Variants in CCDC102B observed in about 807,000 individuals in gnomAD.
The protein encoded by CCDC102B is coiled-coil domain-containing protein 102B.
Under a neutral mutation model 57.4 loss-of-function variants are expected in CCDC102B, and 75 were observed. The observed-to-expected ratio is 1.31, with a 90% CI of 1.08 to 1.58. The LOEUF (loss-of-function observed/expected upper bound fraction) is 1.58, where lower values mean the gene tolerates loss of function less well. Ranked by LOEUF, CCDC102B falls within the 40% of genes most tolerant of loss-of-function variation. The pLI, the probability that CCDC102B is intolerant of heterozygous loss-of-function variation, is 0.00. For missense variants in CCDC102B, 636 were observed against 582.6 expected, an observed-to-expected ratio of 1.09 and a Z score of -0.94; for synonymous variants, 206 against 201.9, an observed-to-expected ratio of 1.02 and a Z score of -0.17.
At chr18:69,018,623 G>A (rs1041902794) in intron 7 of CCDC102B, among the ~76,000 whole-genome samples, 1 of 151,602 alleles carries the variant, frequency 6.6e-6, no homozygotes, top group African/African-American at 2.4e-5. Context: ...GTTATTTTTG[G>A]GTATTTTTGC....
intron 6 of CCDC102B, among the ~76,000 whole-genome samples, chr18:68,927,691 G>C (rs1300710086): frequency 1.3e-5 from 2 of 151,938 alleles, no homozygotes. Context: ...CACTTCTGGG[G>C]ATATAATACT....
intron 7 of CCDC102B, among the ~76,000 whole-genome samples, chr18:69,020,762 G>A (rs2051810080): frequency 6.6e-6 from 1 of 152,148 alleles, no homozygotes; most frequent in South Asian, 2.1e-4. Context: ...GCATATATTT[G>A]TGGCAAGAGA....
chr18:68,748,360 A>G (rs1019125337), intron 2 of CCDC102B, among the ~76,000 whole-genome samples: 20 of 151,976 alleles, frequency 1.3e-4, no homozygotes, highest in African/African-American at 4.6e-4. Flanking sequence ...TTCTCATTGT[A>G]TGCATCCTGA....
Position 69,011,065 on chromosome 18 carries a change from G to T in CCDC102B, c.1395G>T (p.Val465=), listed in dbSNP as rs1480609412. The change falls in exon 7 of 8, where the codon GTG becomes GTT. Residue 465 remains valine (V), a synonymous_variant. Transcript: ENST00000360242. ...EAEVKKLRLR[V]EELKQGLNQK... ...AAGTAAAGAAACTAAGATTACGAGT[G>T]GAAGAACTAAAGCAGGGACTCAATC... 9 of 1,613,682 alleles carry T rather than the reference G, an allele frequency of 5.6e-6. No individual in the cohort carries two copies. The highest frequency in any genetic ancestry group is 1.3e-5 in the African/African-American group (1 of 74,902).
intron 6 of CCDC102B, among the ~76,000 whole-genome samples, chr18:68,975,545 A>G (rs533708679): frequency 2.2e-4 from 34 of 152,110 alleles, no homozygotes; most frequent in South Asian, 4.1e-4. Flanking sequence ...GAGGAATACC[A>G]TTTTGCATAT....
At chr18:68,966,302 C>T (rs1447061401) in intron 6 of CCDC102B, among the ~76,000 whole-genome samples, 1 of 152,114 alleles carries the variant, frequency 6.6e-6, no homozygotes, top group Non-Finnish European at 1.5e-5. Flanking sequence ...ACTGCCTTAT[C>T]TCCCCAGACT....
intron 3 of CCDC102B, among the ~76,000 whole-genome samples, chr18:68,841,063 G>T (rs79913666): frequency 0.04 from 6,051 of 152,246 alleles, 412 homozygotes; most frequent in African/African-American, 0.14. Context: ...ATCAACATTT[G>T]CATGCAATCC....
chr18:68,876,190 A>G (rs1029220495), intron 5 of CCDC102B, among the ~76,000 whole-genome samples: 5 of 152,202 alleles, frequency 3.3e-5, no homozygotes, highest in African/African-American at 4.8e-5. Context: ...GCACATATAG[A>G]TATTTATTTA....
chr18:68,718,041 G>A (rs1312584309), intron 2 of CCDC102B: 8 of 152,088 alleles, frequency 5.3e-5, no homozygotes, highest in Non-Finnish European at 1.2e-4. Context: ...CATCCTGGAA[G>A]CAGAGAGCAA....
intron 4 of CCDC102B, among the ~76,000 whole-genome samples, chr18:68,862,267 G>T (rs1391853424): frequency 1.3e-5 from 2 of 152,064 alleles, no homozygotes; most frequent in Non-Finnish European, 2.9e-5. Flanking sequence ...ATAATTATTT[G>T]GGACTCTAAT....
intron 1 of CCDC102B, among the ~76,000 whole-genome samples, chr18:68,805,642 G>T (rs1042296560): frequency 6.6e-6 from 1 of 152,080 alleles, no homozygotes; most frequent in African/African-American, 2.4e-5. Flanking sequence ...ATAGTAAAGG[G>T]TAATCAGAGA....
At chr18:68,796,182 A>C (rs2035622790), upstream of CCDC102B, among the ~76,000 whole-genome samples, 5 of 152,194 alleles carry the variant, frequency 3.3e-5, no homozygotes, top group South Asian at 1.0e-3. Context: ...CACTGCAGTG[A>C]TCTAGAAAGA....
chr18:69,034,418 A>G lies in CCDC102B; in HGVS notation c.1435-19612A>G, dbSNP rs930178991. Reference sequence around the variant, plus strand: ...TATAAAGTGCAGGTTCAACTTCATTATTTTCTTTGTCAATCTAGATTCCAG... The same window carrying G: ...TATAAAGTGCAGGTTCAACTTCATTGTTTTCTTTGTCAATCTAGATTCCAG... On this transcript the variant is annotated intron_variant, in intron 7 of 7. Transcript: ENST00000360242. Among the ~76,000 whole-genome samples the G allele has an allele frequency of 3.3e-5, 5 of 151,830 alleles. No homozygotes were observed. The East Asian group carries it at 9.7e-4, about 29-fold the overall frequency.
chr18:69,032,130 G>C (rs532589262), intron 7 of CCDC102B, among the ~76,000 whole-genome samples: 82 of 152,160 alleles, frequency 5.4e-4, no homozygotes, highest in African/African-American at 2.0e-3. Context: ...CTCTCATTGA[G>C]TTTTTTTGAT....
chr18:68,829,059 C>T (rs1389495149), intron 1 of CCDC102B, among the ~76,000 whole-genome samples: 1 of 151,882 alleles, frequency 6.6e-6, no homozygotes, highest in Non-Finnish European at 1.5e-5. Context: ...ATCTTTCCTA[C>T]ATGTTCGCTA....
At chr18:68,943,849 TA>T (rs1407811947) in intron 6 of CCDC102B, among the ~76,000 whole-genome samples, 1 of 152,128 alleles carries the variant, frequency 6.6e-6, no homozygotes, top group Non-Finnish European at 1.5e-5. Flanking sequence ...TCAAATGCAA[TA>T]ATTCTACAGA....
chr18:68,923,169 G>GT (rs34466326), intron 6 of CCDC102B, among the ~76,000 whole-genome samples: 43,586 of 148,668 alleles, frequency 0.29, 7,148 homozygotes, highest in Non-Finnish European at 0.37. Context: ...TACACATACA[G>GT]TTTTTTTTTT....
At chr18:68,765,830 TTTTC>T (rs879406972) in intron 2 of CCDC102B, among the ~76,000 whole-genome samples, 7 of 152,134 alleles carry the variant, frequency 4.6e-5, no homozygotes, top group East Asian at 1.9e-4. Flanking sequence ...AACTCATACT[TTTTC>T]TTTCTTTCTT....
At chr18:68,901,847 A>T (rs1442424728) in intron 6 of CCDC102B, among the ~76,000 whole-genome samples, 5 of 152,184 alleles carry the variant, frequency 3.3e-5, no homozygotes, top group African/African-American at 1.2e-4. Context: ...GTTCACTTTC[A>T]TCATCCTCAG....
Sources: gnomAD v4.1 joint callset for allele counts (sites outside exome capture counted in the v4.1 genomes callset) on GRCh38, gnomAD v4.1.1 for gene constraint, MANE v1.5 for transcripts, NCBI Gene and HGNC (gene_info 2026-07-23, HGNC 2026-07-21) for gene names.